Variants in FBXL17 observed in about 807,000 individuals in gnomAD.
The protein encoded by FBXL17 is F-box/LRR-repeat protein 17.
FBXL17 carries 22 observed loss-of-function variants against 66.2 expected under a neutral mutation model. The observed-to-expected ratio is 0.33, with a 90% CI of 0.24 to 0.47. The LOEUF is 0.47. Ranked by LOEUF, FBXL17 falls within the 20% of genes least tolerant of loss-of-function variation. The pLI, the probability that FBXL17 is intolerant of heterozygous loss-of-function variation, is 1.00. For missense variants in FBXL17, 878 were observed against 948.2 expected (o/e 0.93, Z 0.97); for synonymous variants, 474 against 400.5 (o/e 1.18, Z -2.19).
intron 4 of FBXL17, chr5:108,298,715 T>G (rs898760102): frequency 1.3e-6 from 1 of 763,852 alleles, no homozygotes; most frequent in African/African-American, 1.9e-5. Flanking sequence ...ATCAAAGTCT[T>G]ATAATTCCTA....
chr5:107,898,173 T>A (rs1176597705), intron 7 of FBXL17, among the ~76,000 whole-genome samples: 1 of 152,158 alleles, frequency 6.6e-6, no homozygotes, highest in African/African-American at 2.4e-5. Context: ...TCTTTTTTAA[T>A]GACTTGGACC....
chr5:107,927,593 T>C (rs1178258093), intron 7 of FBXL17, among the ~76,000 whole-genome samples: 1 of 152,122 alleles, frequency 6.6e-6, no homozygotes, highest in Admixed American at 6.6e-5. Flanking sequence ...TATGAACACA[T>C]AATGATTCTC....
intron 6 of FBXL17, among the ~76,000 whole-genome samples, chr5:108,119,719 G>C (rs968902260): frequency 1.3e-5 from 2 of 152,186 alleles, no homozygotes; most frequent in African/African-American, 4.8e-5. Context: ...TCTATGTAAG[G>C]AGAATACACA....
chr5:108,347,368 T>A (rs1747349234), intron 4 of FBXL17, among the ~76,000 whole-genome samples: 2 of 152,198 alleles, frequency 1.3e-5, no homozygotes, highest in Non-Finnish European at 2.9e-5. Context: ...CATTGTTATA[T>A]GGCCCATGAC....
intron 7 of FBXL17, among the ~76,000 whole-genome samples, chr5:107,925,041 A>G (rs1471561982): frequency 6.6e-6 from 1 of 152,144 alleles, no homozygotes; most frequent in Non-Finnish European, 1.5e-5. Flanking sequence ...TTTACTTTGG[A>G]GTCTCCAAGT....
chr5:108,030,384 T>A (rs944050899), intron 6 of FBXL17, among the ~76,000 whole-genome samples: 1 of 152,102 alleles, frequency 6.6e-6, no homozygotes, highest in African/African-American at 2.4e-5. Context: ...AGACAGTAAG[T>A]AAACACGGAG....
At chr5:108,028,134 C>A (rs1754900216) in intron 6 of FBXL17, among the ~76,000 whole-genome samples, 2 of 152,124 alleles carry the variant, frequency 1.3e-5, no homozygotes, top group African/African-American at 4.8e-5. Flanking sequence ...ACATTTAAAA[C>A]TACAATCTAG....
chr5:108,374,434 G>A (rs898107269), intron 1 of FBXL17, among the ~76,000 whole-genome samples: 5 of 152,194 alleles, frequency 3.3e-5, no homozygotes, highest in African/African-American at 4.8e-5. Flanking sequence ...CATTTTGGGA[G>A]GCCGAGGGAG....
intron 6 of FBXL17, among the ~76,000 whole-genome samples, chr5:108,067,388 G>C (rs1482809996): frequency 6.6e-6 from 1 of 152,056 alleles, no homozygotes; most frequent in Non-Finnish European, 1.5e-5. Flanking sequence ...CAAACACTGA[G>C]TAAATAAACA....
At chr5:108,168,745 A>AC in intron 6 of FBXL17, among the ~76,000 whole-genome samples, 1 of 152,202 alleles carries the variant, frequency 6.6e-6, no homozygotes, top group East Asian at 1.9e-4. Context: ...TCCCATGCAT[A>AC]CCCCCAAGAA....
intron 7 of FBXL17, among the ~76,000 whole-genome samples, chr5:108,011,701 G>A (rs575306381): frequency 3.2e-4 from 49 of 152,334 alleles, no homozygotes; most frequent in African/African-American, 1.1e-3. Context: ...GTACGTGCCT[G>A]TAATCCCAGC....
chr5:108,098,615 A>G (rs286817), intron 6 of FBXL17, among the ~76,000 whole-genome samples: 120,666 of 151,564 alleles, frequency 0.8, 48,725 homozygotes, highest in African/African-American at 0.92. Flanking sequence ...CGTGGTGGTG[A>G]GCATCTGTAG....
At chr5:108,219,017 T>C (rs1247336847) in intron 5 of FBXL17, among the ~76,000 whole-genome samples, 5 of 152,232 alleles carry the variant, frequency 3.3e-5, no homozygotes, top group Non-Finnish European at 7.3e-5. Context: ...GACATAATTA[T>C]CCTTTTAAAA....
intron 3 of FBXL17, among the ~76,000 whole-genome samples, chr5:108,364,390 A>G (rs761986256): frequency 6.6e-6 from 1 of 152,012 alleles, no homozygotes. Context: ...GTCATCTAGT[A>G]TAATAAAAGG....
At chr5:108,294,867 G>C (rs533973463) in intron 4 of FBXL17, among the ~76,000 whole-genome samples, 43 of 152,070 alleles carry the variant, frequency 2.8e-4, no homozygotes, top group African/African-American at 8.7e-4. Flanking sequence ...ATCCACAGTT[G>C]TTCTTTAAAG....
intron 6 of FBXL17, among the ~76,000 whole-genome samples, chr5:108,032,190 A>G (rs963799548): frequency 3.3e-5 from 5 of 152,146 alleles, no homozygotes; most frequent in Admixed American, 6.6e-5. Flanking sequence ...TGGGGCTTTA[A>G]TATTTGACAT....
intron 7 of FBXL17, among the ~76,000 whole-genome samples, chr5:107,942,030 G>A (rs576100316): frequency 6.7e-4 from 102 of 152,208 alleles, no homozygotes; most frequent in African/African-American, 2.3e-3. Flanking sequence ...CCAACTCAAA[G>A]GTACCATGTT....
At chr5:108,270,082 A>G (rs1480849191) in intron 4 of FBXL17, among the ~76,000 whole-genome samples, 1 of 152,156 alleles carries the variant, frequency 6.6e-6, no homozygotes, top group East Asian at 1.9e-4. Flanking sequence ...AAGATTTCAA[A>G]TATGTAGATT....
At chr5:108,284,354 C>T (rs1385627852) in intron 4 of FBXL17, among the ~76,000 whole-genome samples, 2 of 151,794 alleles carry the variant, frequency 1.3e-5, no homozygotes, top group Non-Finnish European at 3.0e-5. Flanking sequence ...ATACACATAA[C>T]AAAATACTAC....
Sources: allele counts gnomAD v4.1 joint callset (sites outside exome capture counted in the v4.1 genomes callset), GRCh38; gene constraint gnomAD v4.1.1; transcripts MANE v1.5; gene names NCBI Gene and HGNC (gene_info 2026-07-23, HGNC 2026-07-21).